Variants in ZNF496 observed in about 807,000 individuals in gnomAD.
ZNF496 encodes the protein NSD1 (nuclear receptor binding SET-domain containing 1)-interacting zinc finger protein 1.
A neutral mutation model predicts 58.9 loss-of-function variants in ZNF496; 11 were observed. The observed-to-expected ratio is 0.19, with a 90% CI of 0.12 to 0.31. ZNF496 has a LOEUF of 0.31. Among genes scored for constraint, ZNF496 ranks in the 10% least tolerant of loss-of-function variants. The pLI is 1.00. For synonymous variants in ZNF496, 338 were observed against 318.2 expected, an observed-to-expected ratio of 1.06 and a Z score of -0.66; for missense variants, 660 against 783.0, an observed-to-expected ratio of 0.84 and a Z score of 1.88.
In ZNF496 at chr1:247,300,303, C is replaced by G. The variant is rs1399780353; in HGVS notation, c.*216G>C. The G allele has an allele frequency of 2.3e-5, 11 of 474,278 alleles. No individual in the cohort carries two copies. Among genetic ancestry groups the G allele is most frequent in the South Asian group, 6.2e-5 (1 of 16,222 alleles). The allele number at this position is 474,278 out of a possible 1,614,324, so 29.4% of individuals were successfully genotyped here. ...GGCACATCCCCCCCGTTTTTTGGCA[C>G]AGCAGAAACAGAACACTCACTTGGC... On this transcript the variant is annotated 3_prime_UTR_variant, in exon 10 of 10. Coordinates refer to ENST00000682384, the MANE Select transcript of ZNF496 (RefSeq NM_032752.3). The surrounding 1 kb of genome is among the most constrained non-coding windows in gnomAD (Gnocchi z 5.7).
intron 7 of ZNF496, 183 bp downstream of exon 7, chr1:247,310,141 G>A (rs948018488): frequency 6.3e-6 from 9 of 1,439,544 alleles, no homozygotes; most frequent in African/African-American, 2.9e-5. Context: ...ATGGTCAATC[G>A]GACACACTGC....
rs1377508307 is a variant in ZNF496, at chr1:247,299,709, A to G, written c.*810T>C. ...ACAACTCCGCTTCCAACCCACAAGC[A>G]TTTACCAAGGATCTTTGGGGTATAA... On this transcript the variant is annotated 3_prime_UTR_variant, in exon 10 of 10. Transcript: ENST00000682384. The G allele has an allele frequency of 1.3e-5, 2 of 152,248 alleles. No homozygotes were observed. Among genetic ancestry groups the G allele is most frequent in the Non-Finnish European group, 2.9e-5 (2 of 68,056 alleles). 9.4% of individuals were successfully genotyped at this position (152,248 alleles called of 1,614,324 possible).
chr1:247,329,445 A>G lies in ZNF496; in HGVS notation c.134T>C (p.Phe45Ser). ...CGCCTCCTGGTAGCGGAAACGGCGG[A>G]AGAGACGCCGAGAGGACTCGGGGCT... ...LPSPESSRRL[F>S]RRFRYQEAAG... The change falls in exon 4 of 10, where the codon TTC becomes TCC. Residue 45 changes from phenylalanine to serine, a missense_variant. By Grantham distance (155) the Phe-to-Ser change is radical. Transcript: ENST00000682384. The surrounding 1 kb of genome is among the most constrained non-coding windows in gnomAD (Gnocchi z 5.5). The G allele has an allele frequency of 6.2e-7, 1 of 1,612,786 alleles. No individual in the cohort carries two copies. The highest frequency in any genetic ancestry group is 8.5e-7 in the Non-Finnish European group (1 of 1,179,542).
chr1:247,328,723 C>A lies in ZNF496; in HGVS notation c.534G>T (p.Gly178=), dbSNP rs1341497929. The change falls in exon 5 of 10, where the codon GGG becomes GGT. Residue 178 remains glycine, a synonymous_variant. Transcript: ENST00000682384. ...GCTGGCTTGGTGGTCTGCTTGGGAG[C>A]CCCAGGCACTGTGCCAGGGTTATGG... ...AQPITLAQCL[G]LPSRPPSQLS... The A allele has an allele frequency of 1.2e-6, 2 of 1,608,076 alleles. No homozygotes were observed. Among genetic ancestry groups the A allele is most frequent in the South Asian group, 2.2e-5 (2 of 90,196 alleles).
chr1:247,325,239 G>A (rs886632275), intron 5 of ZNF496, among the ~76,000 whole-genome samples: 16 of 152,242 alleles, frequency 1.1e-4, no homozygotes, highest in Admixed American at 2.0e-4. Flanking sequence ...AGGGGTCTCA[G>A]TGGAAGGCAG....
chr1:247,315,955 T>C (rs902669039), intron 6 of ZNF496, among the ~76,000 whole-genome samples: 2 of 152,162 alleles, frequency 1.3e-5, no homozygotes, highest in African/African-American at 4.8e-5. Flanking sequence ...TGGAAAAGCC[T>C]GTCTTCCCAG....
At position 247,300,000 on chromosome 1, in the gene ZNF496, C is replaced by T. The variant is rs1216837714; in HGVS notation, c.*519G>A. ...ACATGTCTGGCTCAGTGTGCCTGGC[C>T]CTGCTCCCCACTGAGCCCATCAGTC... On this transcript the variant is annotated 3_prime_UTR_variant, in exon 10 of 10. Transcript: ENST00000682384. 6.6e-6 allele frequency: 1 copy of T among 152,482 alleles called. No homozygotes were observed. Among genetic ancestry groups the T allele is most frequent in the East Asian group, 1.9e-4 (1 of 5,174 alleles). 9.4% of individuals were successfully genotyped at this position (152,482 alleles called of 1,614,324 possible). A position where few individuals can be genotyped will look rare whatever the true frequency, so the allele number is the denominator to read the frequency against.
At chr1:247,326,315 A>C (rs1221548563) in intron 5 of ZNF496, among the ~76,000 whole-genome samples, 2 of 152,094 alleles carry the variant, frequency 1.3e-5, no homozygotes, top group African/African-American at 4.8e-5. Context: ...TAGGTAGTGC[A>C]TTCCAATGAT....
In ZNF496 at chr1:247,300,989, C is replaced by T. The variant is rs771698932; in HGVS notation, c.1294G>A (p.Glu432Lys). Reference sequence around the variant, plus strand: ...CACACCGAGCACTCGTGCGGCTTCTCCTGCTCCCTGCGGCTCCGCAGATGC... The same window carrying T: ...CACACCGAGCACTCGTGCGGCTTCTTCTGCTCCCTGCGGCTCCGCAGATGC... ...IRHLRSRREQ[E>K]KPHECSVCGE... The change falls in exon 10 of 10, where the codon GAG (glutamate) becomes AAG (lysine). Residue 432 changes from glutamate to lysine, a missense_variant. Glu to Lys is a moderately conservative substitution (Grantham distance 56). Coordinates refer to ENST00000682384, the MANE Select transcript of ZNF496 (RefSeq NM_032752.3). The surrounding 1 kb of genome is among the most constrained non-coding windows in gnomAD (Gnocchi z 5.7). 1.2e-6 allele frequency: 2 copies of T among 1,613,798 alleles called. No individual in the cohort carries two copies. The highest frequency in any genetic ancestry group is 1.1e-5 in the South Asian group (1 of 91,078).
rs897055890 is a variant in ZNF496 at position 247,309,594 on chromosome 1, A to C, written c.892+105T>G. ...CCACATAGAGTCTGGGGAAATGAAG[A>C]AGGCAATTAGGGGCCGCAGAGAGAA... On this transcript the variant is annotated intron_variant, in intron 8 of 9. Coordinates refer to ENST00000682384, the MANE Select transcript of ZNF496 (RefSeq NM_032752.3). This position sits in a 1 kb window ranked among gnomAD's most constrained non-coding sequence, Gnocchi z 4.3. 18 of 1,506,502 alleles carry C rather than the reference A, an allele frequency of 1.2e-5. No individual in the cohort carries two copies. The Admixed American group carries it at 2.0e-4, about 17-fold the overall frequency. The allele number at this position is 1,506,502 out of a possible 1,614,324, so 93.3% of individuals were successfully genotyped here. A position where few individuals can be genotyped will look rare whatever the true frequency, so the allele number is the denominator to read the frequency against.
rs1660230833 is a variant in ZNF496, at chr1:247,329,064, T to C, written c.390+125A>G. 2.0e-6 allele frequency: 3 copies of C among 1,511,066 alleles called. No individual in the cohort carries two copies. In the Admixed American group the frequency reaches 5.8e-5, roughly 29 times the overall value. The allele number at this position is 1,511,066 out of a possible 1,614,324, so 93.6% of individuals were successfully genotyped here. A position where few individuals can be genotyped will look rare whatever the true frequency, so the allele number is the denominator to read the frequency against. On this transcript the variant is annotated intron_variant, in intron 4 of 9. Coordinates refer to ENST00000682384, the MANE Select transcript of ZNF496 (RefSeq NM_032752.3). This position sits in a 1 kb window ranked among gnomAD's most constrained non-coding sequence, Gnocchi z 5.5. ...CTGGCTTTCTTAGGAAACTCTAGTC[T>C]GGACCTAACCAAAGTAAATGGCTCT...
intron 5 of ZNF496, among the ~76,000 whole-genome samples, chr1:247,323,809 G>A (rs1449103050): frequency 1.3e-5 from 2 of 151,672 alleles, no homozygotes; most frequent in Non-Finnish European, 2.9e-5. Flanking sequence ...CCGTAGAGTT[G>A]AGGAATCTAT....
chr1:247,300,527 A>G lies in ZNF496; in HGVS notation c.1756T>C (p.Ser586Pro). 6.2e-7 allele frequency: 1 copy of G among 1,604,658 alleles called. No homozygotes were observed. The highest frequency in any genetic ancestry group is 8.5e-7 in the Non-Finnish European group (1 of 1,173,264). ...GCCCCAGGCGGAGAGGCTCAGTAGGAGTTCAGAGCCTGCTTGGAACGGCGC... is the reference window on the plus strand; with the variant it reads ...GCCCCAGGCGGAGAGGCTCAGTAGGGGTTCAGAGCCTGCTTGGAACGGCGC... ...MKRRSKQALN[S>P]Y The change falls in exon 10 of 10, where the codon TCC (serine) becomes CCC (proline). Residue 586 changes from serine to proline, a missense_variant. By Grantham distance (74) the Ser-to-Pro change is moderately conservative (BLOSUM62 -1). Transcript: ENST00000682384. This position sits in a 1 kb window ranked among gnomAD's most constrained non-coding sequence, Gnocchi z 5.7.
Position 247,299,596 on chromosome 1 carries a change from G to C in ZNF496, c.*923C>G, listed in dbSNP as rs1276127175. The C allele has an allele frequency of 6.6e-6, 1 of 152,380 alleles. No individual in the cohort carries two copies. The highest frequency in any genetic ancestry group is 1.9e-4 in the East Asian group (1 of 5,168). 9.4% of individuals were successfully genotyped at this position (152,380 alleles called of 1,614,324 possible). On this transcript the variant is annotated 3_prime_UTR_variant, in exon 10 of 10. Transcript: ENST00000682384. Reference sequence around the variant, plus strand: ...TCTGTTCTGGAGCTTGGCTCACCCAGACAGGAGAACCCCTCACTGGGGGCA... The same window carrying C: ...TCTGTTCTGGAGCTTGGCTCACCCACACAGGAGAACCCCTCACTGGGGGCA...
intron 6 of ZNF496, among the ~76,000 whole-genome samples, chr1:247,316,501 C>T (rs975894180): frequency 9.9e-5 from 15 of 152,020 alleles, no homozygotes; most frequent in African/African-American, 3.4e-4. Flanking sequence ...GGAGCAAGCG[C>T]GTCAGGACAC....
chr1:247,303,534 C>T (rs192601240), intron 9 of ZNF496, among the ~76,000 whole-genome samples: 2 of 152,164 alleles, frequency 1.3e-5, no homozygotes, highest in African/African-American at 2.4e-5. Context: ...GGTAGAAATA[C>T]GGACGTTATA....
intron 6 of ZNF496, among the ~76,000 whole-genome samples, chr1:247,314,858 G>A (rs1447533573): frequency 6.6e-6 from 1 of 151,894 alleles, no homozygotes; most frequent in Non-Finnish European, 1.5e-5. Context: ...ATGATTTTTG[G>A]GCCTCAGCCC....
intron 7 of ZNF496, chr1:247,310,089 C>T: frequency 1.4e-6 from 2 of 1,429,644 alleles, no homozygotes; most frequent in Non-Finnish European, 9.1e-7. Context: ...AGCACATGTT[C>T]TATTTGGTTC....
At chr1:247,306,851 G>A (rs538366307) in intron 9 of ZNF496, among the ~76,000 whole-genome samples, 4 of 152,074 alleles carry the variant, frequency 2.6e-5, no homozygotes, top group Non-Finnish European at 5.9e-5. Context: ...ACTGGACTCT[G>A]GGCAAGTGAC....
Sources: gnomAD v4.1 joint callset for allele counts (sites outside exome capture counted in the v4.1 genomes callset) on GRCh38, gnomAD v4.1.1 for gene constraint, Gnocchi (gnomAD v3.1) non-coding constraint, MANE v1.5 for transcripts, NCBI Gene and HGNC (gene_info 2026-07-23, HGNC 2026-07-21) for gene names.